Variants in PWP1 observed in about 807,000 individuals in gnomAD.
PWP1 encodes the protein periodic tryptophan protein 1 homolog.
In PWP1, 47 loss-of-function variants were observed where a neutral mutation model predicts 69.9. That is an observed-to-expected ratio of 0.67 (90% CI 0.53 to 0.86). The LOEUF is 0.86. Ranked by LOEUF, PWP1 falls within the 40% of genes least tolerant of loss-of-function variation. The pLI is 0.00. For synonymous variants in PWP1, 222 were observed against 208.2 expected (o/e 1.07, Z -0.57); for missense variants, 551 against 608.8 (o/e 0.91, Z 1.00).
intron 11 of PWP1, among the ~76,000 whole-genome samples, chr12:107,705,085 T>A (rs1889790264): frequency 6.6e-6 from 1 of 152,168 alleles, no homozygotes; most frequent in Admixed American, 6.6e-5. Context: ...AAGATGATAT[T>A]CTTTTCTTTA....
chr12:107,705,278 A>G (rs1889796530), intron 11 of PWP1, among the ~76,000 whole-genome samples: 1 of 152,214 alleles, frequency 6.6e-6, no homozygotes, highest in African/African-American at 2.4e-5. Context: ...ATGTAAAAAG[A>G]AAAGCCCAGC....
At chr12:107,691,133 T>A in intron 3 of PWP1, among the ~76,000 whole-genome samples, 1 of 152,194 alleles carries the variant, frequency 6.6e-6, no homozygotes, top group South Asian at 2.1e-4. Context: ...CTGAGCCAAG[T>A]AAGAGGAAGA....
intron 5 of PWP1, among the ~76,000 whole-genome samples, chr12:107,695,836 C>T (rs889926289): frequency 6.6e-6 from 1 of 152,120 alleles, no homozygotes; most frequent in African/African-American, 2.4e-5. Flanking sequence ...ATAATAACTA[C>T]TTCTTGTAGT....
In PWP1 at chr12:107,709,379, A is replaced by C. The variant is rs938449240; in HGVS notation, c.1290+147A>C. The C allele has an allele frequency of 9.5e-6, 10 of 1,053,408 alleles. No individual in the cohort carries two copies. The African/African-American group carries it at 1.4e-4, about 15-fold the overall frequency. 65.3% of individuals were successfully genotyped at this position (1,053,408 alleles called of 1,614,324 possible). A position where few individuals can be genotyped will look rare whatever the true frequency, so the allele number is the denominator to read the frequency against. On this transcript the variant is annotated intron_variant, in intron 13 of 14. Coordinates refer to ENST00000412830, the MANE Select transcript of PWP1 (RefSeq NM_007062.3). ...GGAAGTGAATTTTGAGTTTAGTCAA[A>C]TTTGGTGGGATTTTATGACTTAGAA...
intron 1 of PWP1, among the ~76,000 whole-genome samples, chr12:107,686,306 C>T (rs546529747): frequency 6.6e-6 from 1 of 152,330 alleles, no homozygotes; most frequent in African/African-American, 2.4e-5. Context: ...GACAACACCA[C>T]TAGCTTCACT....
At chr12:107,710,280 G>T in intron 13 of PWP1, 125 bp from the exon 14 acceptor site, 1 of 1,428,318 alleles carries the variant, frequency 7.0e-7, no homozygotes, top group Non-Finnish European at 9.3e-7. Flanking sequence ...AGGCTTGAAA[G>T]TGAGAATCAT....
At chr12:107,694,129 T>A (rs931483350) in intron 5 of PWP1, among the ~76,000 whole-genome samples, 1 of 152,224 alleles carries the variant, frequency 6.6e-6, no homozygotes, top group African/African-American at 2.4e-5. Flanking sequence ...ACTTTGGTGT[T>A]TTTAATGTAA....
intron 14 of PWP1, 140 bp from the exon 15 acceptor site, chr12:107,711,971 A>G: frequency 1.6e-6 from 1 of 629,812 alleles, no homozygotes; most frequent in Non-Finnish European, 2.8e-6. Context: ...CATTCAGAAC[A>G]TTAACTTGGA....
At chr12:107,700,977 G>C (rs192333423) in intron 8 of PWP1, among the ~76,000 whole-genome samples, 1 of 151,982 alleles carries the variant, frequency 6.6e-6, no homozygotes, top group South Asian at 2.1e-4. Flanking sequence ...CAATCCCCCC[G>C]CCTCAGCTTC....
intron 3 of PWP1, among the ~76,000 whole-genome samples, chr12:107,691,277 G>A (rs1304717512): frequency 6.6e-6 from 1 of 152,242 alleles, no homozygotes; most frequent in African/African-American, 2.4e-5. Context: ...ATCTGCATGA[G>A]TGAAGCACAG....
At chr12:107,692,405 A>G (rs553246580) in intron 3 of PWP1, among the ~76,000 whole-genome samples, 6 of 152,178 alleles carry the variant, frequency 3.9e-5, no homozygotes, top group South Asian at 2.1e-4. Context: ...ATTTTATTTG[A>G]CCAGGCAACC....
At position 107,709,033 on chromosome 12, in the gene PWP1, CTTCT is replaced by C; in HGVS notation, c.1168+21_1168+24del. On this transcript the variant is annotated intron_variant, in intron 12 of 14. Coordinates refer to ENST00000412830, the MANE Select transcript of PWP1 (RefSeq NM_007062.3). Reference sequence around the variant, plus strand: ...AAATCTCTGGTGAGCAAGAGTAATGCTTCTTTCATTTTTCTTAACTTATGATGAA... The same window carrying C: ...AAATCTCTGGTGAGCAAGAGTAATGCTTCATTTTTCTTAACTTATGATGAA... 6.2e-7 allele frequency: 1 copy of C among 1,613,378 alleles called. No individual in the cohort carries two copies. The highest frequency in any genetic ancestry group is 8.5e-7 in the Non-Finnish European group (1 of 1,179,506).
At chr12:107,692,953 A>C in intron 4 of PWP1, 47 bp from the exon 5 acceptor site, 18 of 1,612,186 alleles carry the variant, frequency 1.1e-5, no homozygotes, top group Non-Finnish European at 1.5e-5. Context: ...AAAAAACCTT[A>C]CTGGCTCTCT....
chr12:107,685,805 C>G lies in PWP1; in HGVS notation c.-95C>G. ...GCATGCGCTCTGCCCTGGCAGCGGC[C>G]CTGTGCAGATCCCTGAGCGTGTGGC... is the stretch of plus-strand genomic sequence containing the variant. On this transcript the variant is annotated 5_prime_UTR_variant, in exon 1 of 15. Coordinates refer to ENST00000412830, the MANE Select transcript of PWP1 (RefSeq NM_007062.3). The G allele has an allele frequency of 2.9e-6, 4 of 1,382,838 alleles. No individual in the cohort carries two copies. Among genetic ancestry groups the G allele is most frequent in the Non-Finnish European group, 3.1e-6 (3 of 978,110 alleles). 85.7% of individuals were successfully genotyped at this position (1,382,838 alleles called of 1,614,324 possible).
At chr12:107,696,735 C>T (rs1438250100) in intron 6 of PWP1, 151 bp downstream of exon 6, 1 of 1,300,294 alleles carries the variant, frequency 7.7e-7, no homozygotes, top group Middle Eastern at 2.7e-4. Flanking sequence ...GAGTTCTTAA[C>T]ACACCATCAC....
chr12:107,707,993 G>C (rs1298511017), intron 11 of PWP1, among the ~76,000 whole-genome samples: 3 of 152,134 alleles, frequency 2.0e-5, no homozygotes, highest in African/African-American at 7.2e-5. Context: ...GATTCATGAA[G>C]TAATGATTCT....
rs368506876 is a variant in PWP1 at position 107,704,596 on chromosome 12, T to A, written c.966-40T>A. 3 of 1,387,144 alleles carry A rather than the reference T, an allele frequency of 2.2e-6. No individual in the cohort carries two copies. The Admixed American group carries it at 5.3e-5, about 25-fold the overall frequency. The allele number at this position is 1,387,144 out of a possible 1,614,324, so 85.9% of individuals were successfully genotyped here. On this transcript the variant is annotated intron_variant, in intron 10 of 14. Coordinates refer to ENST00000412830, the MANE Select transcript of PWP1 (RefSeq NM_007062.3). ...ATTATAAATAAAACATATAGGAGAA[T>A]TGAACTCTTAAAACCCTAACTTTGC... is the stretch of plus-strand genomic sequence containing the variant.
chr12:107,686,876 G>A (rs920717274), intron 1 of PWP1, among the ~76,000 whole-genome samples: 2 of 148,078 alleles, frequency 1.4e-5, no homozygotes, highest in African/African-American at 5.0e-5. Context: ...TGAGGCAGGA[G>A]AATGGCGTGA....
chr12:107,698,132 C>T (rs1245500318), intron 7 of PWP1, among the ~76,000 whole-genome samples: 2 of 152,120 alleles, frequency 1.3e-5, no homozygotes, highest in Non-Finnish European at 2.9e-5. Context: ...GAGGCTGAGG[C>T]GGGTGGATCA....
Sources: allele counts gnomAD v4.1 joint callset (sites outside exome capture counted in the v4.1 genomes callset), GRCh38; gene constraint gnomAD v4.1.1; transcripts MANE v1.5; gene names NCBI Gene and HGNC (gene_info 2026-07-23, HGNC 2026-07-21).